Variants in SLC29A4 observed in about 807,000 individuals in gnomAD.
The protein encoded by SLC29A4 is equilibrative nucleoside transporter 4.
SLC29A4 carries 36 observed loss-of-function variants against 43.9 expected under a neutral mutation model. The observed-to-expected ratio is 0.82, with a 90% CI of 0.63 to 1.08. SLC29A4 has a LOEUF of 1.08. SLC29A4 is among the 50% of genes least tolerant of loss of function. The pLI is 0.00. For missense variants in SLC29A4, 869 were observed against 755.3 expected (o/e 1.15, Z -1.77); for synonymous variants, 491 against 338.0 (o/e 1.45, Z -4.97).
chr7:5,302,055 A>G (rs1267124042), intron 10 of SLC29A4, among the ~76,000 whole-genome samples: 3 of 152,116 alleles, frequency 2.0e-5, no homozygotes, highest in African/African-American at 4.8e-5. Flanking sequence ...GGTTCAAGCA[A>G]TTCTCATGCC....
intron 5 of SLC29A4, among the ~76,000 whole-genome samples, chr7:5,293,756 A>C (rs1323220643): frequency 1.3e-5 from 2 of 152,122 alleles, no homozygotes; most frequent in Admixed American, 1.3e-4. Flanking sequence ...GGGAGAGGCC[A>C]GGCCCCCCAC....
Position 5,303,146 on chromosome 7 carries a change from C to G in SLC29A4, c.*207C>G. ...GAGGACCGGAACACGTTTCTGCGAC[C>G]CGGGGCTCTGGCCAGCACTGTGTTC... On this transcript the variant is annotated 3_prime_UTR_variant, in exon 11 of 11. Transcript: ENST00000396872. The G allele has an allele frequency of 1.6e-6, 1 of 632,812 alleles. No homozygotes were observed. Among genetic ancestry groups the G allele is most frequent in the South Asian group, 2.0e-5 (1 of 50,584 alleles). 39.2% of individuals were successfully genotyped at this position (632,812 alleles called of 1,614,324 possible).
Position 5,303,793 on chromosome 7 carries a change from C to T in SLC29A4, c.*854C>T, listed in dbSNP as rs935161870. ...TCATCCAGCAAGGGACTCGACAGAC[C>T]CAAGGGTCCCTGGAACGTAGGGAGG... On this transcript the variant is annotated 3_prime_UTR_variant, in exon 11 of 11. Transcript: ENST00000396872. 2.0e-5 allele frequency: 3 copies of T among 152,234 alleles called. No homozygotes were observed. The highest frequency in any genetic ancestry group is 7.2e-5 in the African/African-American group (3 of 41,444). The allele number at this position is 152,234 out of a possible 1,614,324, so 9.4% of individuals were successfully genotyped here.
chr7:5,286,981 C>T (rs770705211), intron 1 of SLC29A4, among the ~76,000 whole-genome samples: 9 of 152,248 alleles, frequency 5.9e-5, no homozygotes, highest in South Asian at 2.1e-4. Context: ...CCAAAGTATT[C>T]CTCCACTCCA....
At chr7:5,286,633 A>G (rs1784970887) in intron 1 of SLC29A4, among the ~76,000 whole-genome samples, 1 of 152,182 alleles carries the variant, frequency 6.6e-6, no homozygotes. Context: ...CAGATGACTT[A>G]GCTCCTTCCT....
At chr7:5,298,414 TA>T (rs1785867082) in intron 7 of SLC29A4, among the ~76,000 whole-genome samples, 1 of 152,046 alleles carries the variant, frequency 6.6e-6, no homozygotes, top group Non-Finnish European at 1.5e-5. Context: ...AGAGAGGTCA[TA>T]GGGGACCAGA....
intron 7 of SLC29A4, among the ~76,000 whole-genome samples, chr7:5,298,698 G>C (rs1785892853): frequency 6.6e-6 from 1 of 152,186 alleles, no homozygotes; most frequent in Non-Finnish European, 1.5e-5. Flanking sequence ...TACTTGGGAG[G>C]CTGAGGTGGG....
intron 5 of SLC29A4, 32 bp from the exon 6 acceptor site, chr7:5,294,828 C>T (rs1268439868): frequency 1.3e-6 from 2 of 1,574,190 alleles, no homozygotes; most frequent in South Asian, 1.1e-5. Flanking sequence ...GATAATGGTG[C>T]CTCTGGGTTG....
Position 5,302,949 on chromosome 7 carries a change from G to A in SLC29A4, c.*10G>A, listed in dbSNP as rs779265014. On this transcript the variant is annotated 3_prime_UTR_variant, in exon 11 of 11. Coordinates refer to ENST00000396872, the MANE Select transcript of SLC29A4 (RefSeq NM_153247.4). Reference sequence around the variant, plus strand: ...CCTCGCAGGCCTCTGAGCCAGCCCCGCCCACTGCCAGGGACGCCGAGGGCC... The same window carrying A: ...CCTCGCAGGCCTCTGAGCCAGCCCCACCCACTGCCAGGGACGCCGAGGGCC... The A allele has an allele frequency of 1.5e-5, 24 of 1,603,196 alleles. No individual in the cohort carries two copies. The highest frequency in any genetic ancestry group is 3.4e-5 in the South Asian group (3 of 89,156).
At chr7:5,297,989 C>A (rs1202288503) in intron 7 of SLC29A4, among the ~76,000 whole-genome samples, 1 of 152,150 alleles carries the variant, frequency 6.6e-6, no homozygotes, top group Non-Finnish European at 1.5e-5. Context: ...ACTGCACAGC[C>A]CCCCAGGCTC....
At chr7:5,299,712 G>T (rs192426594) in intron 9 of SLC29A4, among the ~76,000 whole-genome samples, 5 of 152,338 alleles carry the variant, frequency 3.3e-5, no homozygotes, top group Non-Finnish European at 1.5e-5. Context: ...AGCACAGGAG[G>T]ATGCCCCAGA....
At chr7:5,283,685 C>A (rs1224867427) in intron 1 of SLC29A4, among the ~76,000 whole-genome samples, 1 of 152,186 alleles carries the variant, frequency 6.6e-6, no homozygotes, top group Non-Finnish European at 1.5e-5. Context: ...GCTTGTAACC[C>A]ACCCCCACAG....
Position 5,297,198 on chromosome 7 carries a change from C to T in SLC29A4, c.882C>T (p.Phe294=), listed in dbSNP as rs770976953. ...HHDVVAGDVH[F]EHPAPALAPN... is the part of the protein sequence containing the mutation. ...ACGTTGTCGCCGGGGACGTCCACTT[C>T]GTAAGTGCGCACCGCCCACCTCTGT... The change falls in exon 7 of 11, where the codon TTC becomes TTT. Residue 294 remains phenylalanine, a splice_region_variant and synonymous_variant. Transcript: ENST00000396872. 21 of 1,581,576 alleles carry T rather than the reference C, an allele frequency of 1.3e-5. No individual in the cohort carries two copies. Among genetic ancestry groups the T allele is most frequent in the Non-Finnish European group, 1.7e-5 (20 of 1,168,962 alleles).
chr7:5,303,189 C>T lies in SLC29A4; in HGVS notation c.*250C>T. On this transcript the variant is annotated 3_prime_UTR_variant, in exon 11 of 11. Coordinates refer to ENST00000396872, the MANE Select transcript of SLC29A4 (RefSeq NM_153247.4). ...CTGTGTTCTGCGTTTGGTCTCATAC[C>T]TGCGTCTACCTTCCATCTGTGTCCA... 1.8e-6 allele frequency: 1 copy of T among 570,652 alleles called. No homozygotes were observed. The highest frequency in any genetic ancestry group is 2.2e-5 in the South Asian group (1 of 45,942). 35.3% of individuals were successfully genotyped at this position (570,652 alleles called of 1,614,324 possible).
rs1554264393 is a variant in SLC29A4, at chr7:5,304,309, C to CCG, written c.*1370_*1371insCG. Reference sequence around the variant, plus strand: ...GCTCACCTTGACCGCCCGCCCCCCCCACCCCTTCGTGAGGATCAGGGAGGA... The same window carrying CCG: ...GCTCACCTTGACCGCCCGCCCCCCCCCGACCCCTTCGTGAGGATCAGGGAGGA... On this transcript the variant is annotated 3_prime_UTR_variant, in exon 11 of 11. Transcript: ENST00000396872. 1 of 150,662 alleles carries CCG rather than the reference C, an allele frequency of 6.6e-6. No homozygotes were observed. Among genetic ancestry groups the CCG allele is most frequent in the Middle Eastern group, 3.4e-3 (1 of 294 alleles). 9.3% of individuals were successfully genotyped at this position (150,662 alleles called of 1,614,324 possible).
intron 9 of SLC29A4, 122 bp downstream of exon 9, chr7:5,299,549 C>T (rs111952740): frequency 1.6e-4 from 177 of 1,139,616 alleles, no homozygotes; most frequent in Non-Finnish European, 2.0e-4. Flanking sequence ...GTGGAAAGGG[C>T]AAGAGCTGTG....
rs755202448 is a variant in SLC29A4 at position 5,300,461 on chromosome 7, C to T, written c.1249C>T (p.Leu417=). 7 of 1,611,366 alleles carry T rather than the reference C, an allele frequency of 4.3e-6. No homozygotes were observed. Among genetic ancestry groups the T allele is most frequent in the East Asian group, 2.2e-5 (1 of 44,874 alleles). ...GCCCGTGGACTGGCGGGGCACCCAC[C>T]TGCTGGCCTGCTCCTGCCTGCGTGT... ...ALPVDWRGTH[L]LACSCLRVVF... Residue 417 remains leucine (L), a synonymous_variant, in exon 10 of 11, where the codon CTG becomes TTG. Transcript: ENST00000396872.
chr7:5,284,039 C>CG (rs1562437289), intron 1 of SLC29A4, among the ~76,000 whole-genome samples: 1 of 121,298 alleles, frequency 8.2e-6, no homozygotes, highest in Admixed American at 8.0e-5. Context: ...ACGACCCCCC[C>CG]CCCCACCCCC....
chr7:5,302,655 G>C (rs1279386412), intron 10 of SLC29A4, 142 bp from the exon 11 acceptor site: 2 of 764,294 alleles, frequency 2.6e-6, no homozygotes, highest in Admixed American at 5.8e-5. Context: ...CGGAGAGGGT[G>C]CTCCCAGGAG....
Sources: allele counts gnomAD v4.1 joint callset (sites outside exome capture counted in the v4.1 genomes callset), GRCh38; gene constraint gnomAD v4.1.1; transcripts MANE v1.5; gene names NCBI Gene and HGNC (gene_info 2026-07-23, HGNC 2026-07-21).